TMEM132B: variants seen among roughly 807,000 people sequenced by gnomAD.
The protein encoded by TMEM132B is transmembrane protein 132B.
TMEM132B carries 18 observed loss-of-function variants against 90.8 expected under a neutral mutation model. That is an observed-to-expected ratio of 0.20 (90% confidence interval 0.14 to 0.29). The LOEUF is 0.29. Ranked by LOEUF, TMEM132B falls within the 10% of genes least tolerant of loss-of-function variation. The pLI is 1.00. For missense variants in TMEM132B, 1,096 were observed against 1,326.8 expected, an observed-to-expected ratio of 0.83 and a Z score of 2.70; for synonymous variants, 504 against 523.3, an observed-to-expected ratio of 0.96 and a Z score of 0.50.
intron 1 of TMEM132B, among the ~76,000 whole-genome samples, chr12:125,231,872 A>G (rs1416704381): frequency 4.1e-5 from 6 of 146,634 alleles, no homozygotes; most frequent in African/African-American, 7.4e-5. Context: ...ACAAAATAAA[A>G]CTTCTTTTGT....
intron 1 of TMEM132B, among the ~76,000 whole-genome samples, chr12:125,285,429 T>A (rs1875322619): frequency 6.6e-6 from 1 of 152,170 alleles, no homozygotes; most frequent in Non-Finnish European, 1.5e-5. Flanking sequence ...TGGCTCAGCG[T>A]CTAGGCCCCA....
At chr12:125,424,793 C>T (rs903502514) in intron 3 of TMEM132B, among the ~76,000 whole-genome samples, 1 of 152,034 alleles carries the variant, frequency 6.6e-6, no homozygotes, top group Admixed American at 6.6e-5. Flanking sequence ...TGGAGGGGGA[C>T]TCAATTGTGA....
At position 125,498,555 on chromosome 12, in the gene TMEM132B, C is replaced by T. The variant is rs902301382; in HGVS notation, c.1107-20884C>T. On this transcript the variant is annotated intron_variant, in intron 3 of 8. Coordinates refer to ENST00000682704, the MANE Select transcript of TMEM132B (RefSeq NM_001366854.1). The surrounding 1 kb of genome is among the most constrained non-coding windows in gnomAD (Gnocchi z 4.5). ...ATAGGACATTGCAGTCCATGTGCCA[C>T]GTCTTGTTAGCCTGTGTTTTATAAA... is the stretch of plus-strand genomic sequence containing the variant. Among the ~76,000 whole-genome samples, 6 of 152,336 alleles carry T rather than the reference C, an allele frequency of 3.9e-5. No homozygotes were observed. Among genetic ancestry groups the T allele is most frequent in the African/African-American group, 9.6e-5 (4 of 41,580 alleles).
intron 5 of TMEM132B, among the ~76,000 whole-genome samples, chr12:125,642,388 T>G (rs776427781): frequency 1.3e-5 from 2 of 152,246 alleles, no homozygotes. Flanking sequence ...CTTCTCTCTC[T>G]TTTTATAAAA....
intron 3 of TMEM132B, among the ~76,000 whole-genome samples, chr12:125,507,166 T>G (rs1882867772): frequency 1.3e-5 from 2 of 152,314 alleles, no homozygotes; most frequent in South Asian, 4.1e-4. Flanking sequence ...GATGAAAACA[T>G]GACAATCTAG....
chr12:125,531,109 T>C (rs754254939), intron 4 of TMEM132B, among the ~76,000 whole-genome samples: 1 of 152,256 alleles, frequency 6.6e-6, no homozygotes, highest in Non-Finnish European at 1.5e-5. Flanking sequence ...GACTGGACTC[T>C]GCTAATCAGG....
intron 4 of TMEM132B, among the ~76,000 whole-genome samples, chr12:125,567,636 A>G (rs1372057603): frequency 4.6e-5 from 7 of 152,182 alleles, no homozygotes; most frequent in Admixed American, 1.3e-4. Flanking sequence ...TTGGGTTTTG[A>G]TAGAGCTAAG....
chr12:125,237,028 C>A (rs904530703), intron 1 of TMEM132B, among the ~76,000 whole-genome samples: 9 of 152,246 alleles, frequency 5.9e-5, no homozygotes, highest in African/African-American at 2.2e-4. Flanking sequence ...TCAAGCCCCA[C>A]TGAGTGTCCT....
intron 4 of TMEM132B, among the ~76,000 whole-genome samples, chr12:125,580,740 C>T (rs1357206707): frequency 6.6e-6 from 1 of 152,126 alleles, no homozygotes; most frequent in Non-Finnish European, 1.5e-5. Context: ...AGGGAATTTT[C>T]TGATGTTTTG....
At chr12:125,375,549 A>C (rs1302284932) in intron 2 of TMEM132B, among the ~76,000 whole-genome samples, 1 of 152,252 alleles carries the variant, frequency 6.6e-6, no homozygotes, top group Non-Finnish European at 1.5e-5. Flanking sequence ...ATCAGGATTC[A>C]GATATGTGAT....
At chr12:125,480,347 T>C (rs553148280) in intron 3 of TMEM132B, among the ~76,000 whole-genome samples, 1 of 151,950 alleles carries the variant, frequency 6.6e-6, no homozygotes, top group African/African-American at 2.4e-5. Flanking sequence ...ATCAACAAAA[T>C]TGATAGACCA....
At chr12:125,311,788 T>A (rs1354602483) in intron 1 of TMEM132B, among the ~76,000 whole-genome samples, 2 of 152,062 alleles carry the variant, frequency 1.3e-5, no homozygotes, top group African/African-American at 2.4e-5. Flanking sequence ...GGGTGGGGAA[T>A]GTGGTCCATC....
chr12:125,475,445 A>C (rs1054780687), intron 3 of TMEM132B, among the ~76,000 whole-genome samples: 3 of 152,142 alleles, frequency 2.0e-5, no homozygotes, highest in Non-Finnish European at 2.9e-5. Flanking sequence ...GGTGTTGCCA[A>C]AGGAGATTAA....
chr12:125,580,089 C>G (rs976599948), intron 4 of TMEM132B, among the ~76,000 whole-genome samples: 1 of 152,134 alleles, frequency 6.6e-6, no homozygotes, highest in Admixed American at 6.5e-5. Flanking sequence ...CTTTCACTTC[C>G]TTCTTCCACA....
intron 3 of TMEM132B, among the ~76,000 whole-genome samples, chr12:125,426,868 C>T (rs1396933147): frequency 6.6e-6 from 1 of 152,170 alleles, no homozygotes; most frequent in Non-Finnish European, 1.5e-5. Context: ...CAGTAGGCAG[C>T]GCTCCCCATA....
intron 4 of TMEM132B, among the ~76,000 whole-genome samples, chr12:125,526,761 TG>T (rs112854127): frequency 0.054 from 8,179 of 152,072 alleles, 649 homozygotes; most frequent in African/African-American, 0.17. Context: ...GACACCAGGG[TG>T]GGGGCTGAGG....
intron 4 of TMEM132B, among the ~76,000 whole-genome samples, chr12:125,568,579 C>T (rs1342195828): frequency 6.6e-6 from 1 of 152,176 alleles, no homozygotes; most frequent in Non-Finnish European, 1.5e-5. Flanking sequence ...GCCTTATATT[C>T]TGTCAGATAC....
intron 1 of TMEM132B, among the ~76,000 whole-genome samples, chr12:125,268,367 T>G (rs1246662538): frequency 1.3e-5 from 2 of 152,200 alleles, no homozygotes; most frequent in Non-Finnish European, 2.9e-5. Context: ...ATGCATGAGG[T>G]TATTCACTGC....
At chr12:125,331,931 CA>C (rs1312393293) in intron 1 of TMEM132B, among the ~76,000 whole-genome samples, 1 of 151,976 alleles carries the variant, frequency 6.6e-6, no homozygotes, top group Non-Finnish European at 1.5e-5. Flanking sequence ...TTTTTATTTA[CA>C]TTTTTTTTGT....
Sources: allele counts gnomAD v4.1 joint callset (sites outside exome capture counted in the v4.1 genomes callset), GRCh38; gene constraint gnomAD v4.1.1; non-coding constraint Gnocchi (gnomAD v3.1); transcripts MANE v1.5; gene names NCBI Gene and HGNC (gene_info 2026-07-23, HGNC 2026-07-21).